The following CLASP2 variants were observed in gnomAD, a reference collection of about 807,000 sequenced individuals.
CLASP2 encodes the protein cytoplasmic linker associated protein 2, also known as CLIP-associating protein 2.
A neutral mutation model predicts 194.4 loss-of-function variants in CLASP2; 47 were observed. The ratio of observed to expected loss-of-function variants is 0.24; its 90% CI spans 0.19 to 0.31. The LOEUF is 0.31. CLASP2 is among the 10% of genes least tolerant of loss of function. The probability of loss-of-function intolerance (pLI) is 1.00; values close to 1 mark genes in which losing one functional copy is unlikely to be tolerated. For missense variants in CLASP2, 1,445 were observed against 1,823.6 expected (o/e 0.79, Z 3.78); for synonymous variants, 619 against 633.5 (o/e 0.98, Z 0.34).
At chr3:33,696,276 G>A (rs1390021995) in intron 2 of CLASP2, among the ~76,000 whole-genome samples, 2 of 149,868 alleles carry the variant, frequency 1.3e-5, no homozygotes, top group Non-Finnish European at 3.0e-5. Flanking sequence ...TCTGAAACAT[G>A]GCACTGTAAG....
At chr3:33,632,864 G>C (rs552522150) in intron 8 of CLASP2, among the ~76,000 whole-genome samples, 1 of 152,280 alleles carries the variant, frequency 6.6e-6, no homozygotes, top group South Asian at 2.1e-4. Context: ...TTAGTAGGCA[G>C]TAGTTATTGA....
intron 32 of CLASP2, among the ~76,000 whole-genome samples, chr3:33,542,267 A>T (rs1273220827): frequency 6.6e-6 from 1 of 151,084 alleles, no homozygotes; most frequent in African/African-American, 2.4e-5. Flanking sequence ...TCAGTCAGTC[A>T]TATTTTTTCC....
chr3:33,692,522 C>G (rs1041335153), intron 2 of CLASP2, among the ~76,000 whole-genome samples: 6 of 152,188 alleles, frequency 3.9e-5, no homozygotes, highest in African/African-American at 1.4e-4. Flanking sequence ...ACACATACTA[C>G]CTTGAAGTCA....
intron 33 of CLASP2, among the ~76,000 whole-genome samples, chr3:33,536,210 C>T (rs983969997): frequency 1.3e-4 from 19 of 149,822 alleles, no homozygotes; most frequent in Non-Finnish European, 1.9e-4. Flanking sequence ...AAAGAGAGAA[C>T]GATGCCTACC....
intron 6 of CLASP2, among the ~76,000 whole-genome samples, chr3:33,674,071 T>C (rs1029986724): frequency 6.6e-6 from 1 of 152,000 alleles, no homozygotes; most frequent in Non-Finnish European, 1.5e-5. Flanking sequence ...AGGAATTGAA[T>C]TCAGCTCTGC....
chr3:33,622,666 A>C (rs2077296609), intron 10 of CLASP2, among the ~76,000 whole-genome samples: 1 of 152,224 alleles, frequency 6.6e-6, no homozygotes, highest in South Asian at 2.1e-4. Flanking sequence ...TTACTATTTT[A>C]ACCATTTTAA....
At chr3:33,629,908 G>A (rs1286366875) in intron 9 of CLASP2, among the ~76,000 whole-genome samples, 1 of 151,886 alleles carries the variant, frequency 6.6e-6, no homozygotes, top group Non-Finnish European at 1.5e-5. Flanking sequence ...TAGATGAGAA[G>A]GAAAGTATAA....
At chr3:33,537,937 C>T (rs1256708466) in intron 33 of CLASP2, among the ~76,000 whole-genome samples, 4 of 152,084 alleles carry the variant, frequency 2.6e-5, no homozygotes, top group Non-Finnish European at 5.9e-5. Context: ...GTCAGGAGAT[C>T]GAGACCATCC....
At chr3:33,680,252 T>A (rs2089576356) in intron 6 of CLASP2, among the ~76,000 whole-genome samples, 1 of 152,192 alleles carries the variant, frequency 6.6e-6, no homozygotes, top group South Asian at 2.1e-4. Flanking sequence ...GTAAAACTAT[T>A]CTGTATGATA....
chr3:33,650,495 A>T (rs945641281), intron 7 of CLASP2, among the ~76,000 whole-genome samples: 3 of 152,186 alleles, frequency 2.0e-5, no homozygotes, highest in Non-Finnish European at 4.4e-5. Context: ...TGAAGGATAG[A>T]AATTATTAAA....
intron 30 of CLASP2, among the ~76,000 whole-genome samples, chr3:33,548,575 G>C (rs750167722): frequency 6.6e-6 from 1 of 152,136 alleles, no homozygotes; most frequent in South Asian, 2.1e-4. Context: ...AATTACAGGC[G>C]TTAGCCACTG....
chr3:33,612,347 T>C (rs563823252), intron 12 of CLASP2, among the ~76,000 whole-genome samples: 2 of 152,248 alleles, frequency 1.3e-5, no homozygotes, highest in East Asian at 1.9e-4. Flanking sequence ...CAATATAGTT[T>C]TGGGGGAGAG....
At chr3:33,646,181 A>G (rs2082257839) in intron 7 of CLASP2, among the ~76,000 whole-genome samples, 1 of 151,792 alleles carries the variant, frequency 6.6e-6, no homozygotes. Context: ...AAGAGATATT[A>G]TTAAATATTT....
chr3:33,680,427 T>G (rs1371551904), intron 6 of CLASP2, among the ~76,000 whole-genome samples: 1 of 152,222 alleles, frequency 6.6e-6, no homozygotes, highest in African/African-American at 2.4e-5. Context: ...ATATTGATAA[T>G]GGGAGAGGCT....
chr3:33,702,237 A>G (rs1215465011), intron 1 of CLASP2, among the ~76,000 whole-genome samples: 1 of 152,228 alleles, frequency 6.6e-6, no homozygotes, highest in East Asian at 1.9e-4. Context: ...AAAACATCCT[A>G]CAAAGCTTCT....
intron 1 of CLASP2, among the ~76,000 whole-genome samples, chr3:33,711,436 T>TG (rs2154357870): frequency 6.6e-6 from 1 of 151,544 alleles, no homozygotes; most frequent in African/African-American, 2.4e-5. Flanking sequence ...TTTTTTTTTT[T>TG]TTTGGTAGAG....
chr3:33,593,869 A>C (rs767176559), intron 20 of CLASP2, among the ~76,000 whole-genome samples: 43 of 152,314 alleles, frequency 2.8e-4, no homozygotes, highest in Admixed American at 4.6e-4. Context: ...CTTGACACAC[A>C]ATCTTGTTCT....
In CLASP2 at chr3:33,560,800, A is replaced by T. The variant is rs1276817665; in HGVS notation, c.2930+8T>A. Reference sequence around the variant, plus strand: ...AGGTTAACTTGAAATATATGAAAAAAATATTACCTTGTAACATCAAGGGCT... The same window carrying T: ...AGGTTAACTTGAAATATATGAAAAATATATTACCTTGTAACATCAAGGGCT... On this transcript the variant is annotated splice_region_variant and intron_variant, in intron 28 of 38. Coordinates refer to ENST00000682230, the MANE Select transcript of CLASP2 (RefSeq NM_001365631.1). 6.2e-7 allele frequency: 1 copy of T among 1,610,848 alleles called. No homozygotes were observed. Among genetic ancestry groups the T allele is most frequent in the Non-Finnish European group, 8.5e-7 (1 of 1,178,740 alleles).
chr3:33,600,896 A>G (rs2071910097), intron 18 of CLASP2, among the ~76,000 whole-genome samples: 1 of 151,588 alleles, frequency 6.6e-6, no homozygotes, highest in Admixed American at 6.6e-5. Flanking sequence ...GAATTCCTAA[A>G]TTGGAACTCA....
Sources: allele counts gnomAD v4.1 joint callset (sites outside exome capture counted in the v4.1 genomes callset), GRCh38; gene constraint gnomAD v4.1.1; transcripts MANE v1.5; gene names NCBI Gene and HGNC (gene_info 2026-07-23, HGNC 2026-07-21).